ACACB: variants seen among roughly 807,000 people sequenced by gnomAD.
ACACB encodes acetyl-CoA carboxylase 2.
Under a neutral mutation model 278.8 loss-of-function variants are expected in ACACB, and 209 were observed. The ratio of observed to expected loss-of-function variants is 0.75; its 90% CI spans 0.67 to 0.84. ACACB has a LOEUF of 0.84. ACACB is among the 40% of genes least tolerant of loss of function. The pLI is 0.00. For missense variants in ACACB, 2,850 were observed against 3,269.0 expected, an observed-to-expected ratio of 0.87 and a Z score of 3.13; for synonymous variants, 1,174 against 1,285.6, an observed-to-expected ratio of 0.91 and a Z score of 1.86.
chr12:109,234,039 G>A lies in ACACB; in HGVS notation c.4341G>A (p.Gln1447=). ...TGCCGATTTTACGGACATTCGTACA[G>A]TCCAAGGTACTCTGGGCGTGCCTCT... is the stretch of plus-strand genomic sequence containing the variant. ...ALVPILRTFV[Q]SKKNILVDYG... The change falls in exon 31 of 53, where the codon CAG becomes CAA. Residue 1447 remains glutamine (Q), a synonymous_variant. Transcript: ENST00000338432. The A allele has an allele frequency of 6.2e-7, 1 of 1,609,308 alleles. No individual in the cohort carries two copies. Among genetic ancestry groups the A allele is most frequent in the South Asian group, 1.1e-5 (1 of 90,372 alleles).
chr12:109,167,143 A>G lies in ACACB; in HGVS notation c.786+150A>G, dbSNP rs1593449019. The G allele has an allele frequency of 6.4e-6, 6 of 943,350 alleles. No individual in the cohort carries two copies. In the East Asian group the frequency reaches 1.5e-4, roughly 24 times the overall value. The allele number at this position is 943,350 out of a possible 1,614,324, so 58.4% of individuals were successfully genotyped here. ...ACGCTCCTCTGAGTTTTAATAGTTT[A>G]ACCCTCAAATAGAAATAATAGTGAA... is the stretch of plus-strand genomic sequence containing the variant. On this transcript the variant is annotated intron_variant, in intron 3 of 52. Transcript: ENST00000338432.
chr12:109,152,786 A>C (rs2043414418), intron 2 of ACACB, among the ~76,000 whole-genome samples: 2 of 151,406 alleles, frequency 1.3e-5, no homozygotes, highest in Admixed American at 1.3e-4. Context: ...CTGGAATTAC[A>C]GGTATGCACC....
intron 1 of ACACB, among the ~76,000 whole-genome samples, chr12:109,126,380 C>T (rs953032163): frequency 6.6e-6 from 1 of 152,154 alleles, no homozygotes. Flanking sequence ...GGCAGATTCA[C>T]CACATCAAGA....
chr12:109,206,911 T>C lies in ACACB; in HGVS notation c.3060+55T>C, dbSNP rs1316324973. ...GACCAGTGCGGAGGGTCAGAAGATCTACCCCGTGACAGCAGAGGTCATTAT... is the reference window on the plus strand; with the variant it reads ...GACCAGTGCGGAGGGTCAGAAGATCCACCCCGTGACAGCAGAGGTCATTAT... On this transcript the variant is annotated intron_variant, in intron 20 of 52. Transcript: ENST00000338432. The C allele has an allele frequency of 2.5e-6, 4 of 1,596,200 alleles. No individual in the cohort carries two copies. In the African/African-American group the frequency reaches 5.4e-5, roughly 21 times the overall value.
chr12:109,127,206 C>T (rs781728691), intron 1 of ACACB, among the ~76,000 whole-genome samples: 2 of 152,126 alleles, frequency 1.3e-5, no homozygotes, highest in Non-Finnish European at 2.9e-5. Context: ...AGTCAGGTAG[C>T]CCAGGGTCGA....
intron 24 of ACACB, among the ~76,000 whole-genome samples, chr12:109,221,226 C>T (rs1045645462): frequency 2.6e-5 from 4 of 152,096 alleles, no homozygotes; most frequent in Non-Finnish European, 5.9e-5. Context: ...TAAAATCAGT[C>T]TCGGTTCATT....
In ACACB at chr12:109,227,352, T is replaced by C. The variant is rs377393025; in HGVS notation, c.3883-19T>C. The C allele has an allele frequency of 1.2e-6, 2 of 1,602,592 alleles. No individual in the cohort carries two copies. On this transcript the variant is annotated intron_variant, in intron 27 of 52. Transcript: ENST00000338432. ...GCAGTGGCCCCTGAGAGAATGTCCGTGTGTTTCTGCCTTGTCAGGTTTACG... is the reference window on the plus strand; with the variant it reads ...GCAGTGGCCCCTGAGAGAATGTCCGCGTGTTTCTGCCTTGTCAGGTTTACG...
At chr12:109,201,808 T>A in intron 19 of ACACB, 107 bp downstream of exon 19, 2 of 1,427,490 alleles carry the variant, frequency 1.4e-6, no homozygotes, top group South Asian at 1.4e-5. Flanking sequence ...TTCTCCTGCC[T>A]CCACCTGCAG....
chr12:109,249,904 C>T, intron 40 of ACACB, 80 bp from the exon 41 acceptor site: 2 of 1,504,714 alleles, frequency 1.3e-6, no homozygotes, highest in Middle Eastern at 1.8e-4. Context: ...GCTGCCCAGT[C>T]AGTCCCTTCT....
chr12:109,209,386 A>G (rs773567871), intron 21 of ACACB, 33 bp downstream of exon 21: 6 of 1,585,416 alleles, frequency 3.8e-6, no homozygotes, highest in Non-Finnish European at 5.2e-6. Context: ...CCACCCCACC[A>G]GGATGGTCAC....
chr12:109,169,114 C>T (rs1041088456), intron 4 of ACACB, among the ~76,000 whole-genome samples: 4 of 145,538 alleles, frequency 2.7e-5, no homozygotes, highest in Middle Eastern at 3.2e-3. Context: ...CACTGCACTG[C>T]GGCCTGGGCG....
At chr12:109,242,961 G>A (rs1024535129) in intron 37 of ACACB, among the ~76,000 whole-genome samples, 8 of 151,680 alleles carry the variant, frequency 5.3e-5, no homozygotes, top group East Asian at 1.9e-4. Flanking sequence ...GTGAGACCCC[G>A]TCTTCAAAAA....
chr12:109,203,053 C>T (rs1197243012), intron 19 of ACACB, among the ~76,000 whole-genome samples: 1 of 152,212 alleles, frequency 6.6e-6, no homozygotes, highest in Non-Finnish European at 1.5e-5. Context: ...CATTGTTCTG[C>T]TTTCTGTCTA....
chr12:109,123,360 G>GT (rs1056213108), intron 1 of ACACB, among the ~76,000 whole-genome samples: 159 of 151,086 alleles, frequency 1.1e-3, no homozygotes, highest in African/African-American at 3.5e-3. Context: ...GAGCTCCAGA[G>GT]TTTTTTTTGT....
In ACACB at chr12:109,191,827, T is replaced by C. The variant is rs765617339; in HGVS notation, c.2296-20T>C. 1.2e-6 allele frequency: 2 copies of C among 1,614,082 alleles called. No individual in the cohort carries two copies. Among genetic ancestry groups the C allele is most frequent in the African/African-American group, 1.3e-5 (1 of 74,936 alleles). Reference sequence around the variant, plus strand: ...CGAGACCTCGGCTTCCTGAGGATACTGAAGTGCATTTTCTCCTAGGCGGAG... The same window carrying C: ...CGAGACCTCGGCTTCCTGAGGATACCGAAGTGCATTTTCTCCTAGGCGGAG... On this transcript the variant is annotated intron_variant, in intron 14 of 52. Transcript: ENST00000338432.
intron 10 of ACACB, 57 bp downstream of exon 10, chr12:109,179,354 C>G: frequency 6.5e-7 from 1 of 1,547,270 alleles, no homozygotes. Flanking sequence ...AGCTCAGAGT[C>G]AGGAAGAACT....
In ACACB at chr12:109,204,753, T is replaced by G. The variant is rs188519615; in HGVS notation, c.2914-1957T>G. On this transcript the variant is annotated intron_variant, in intron 19 of 52. Transcript: ENST00000338432. ...CATATGAGTGAGAACATGCTAAATTTGTCTTTCTGCCCAGCTTATTTCACT... is the reference window on the plus strand; with the variant it reads ...CATATGAGTGAGAACATGCTAAATTGGTCTTTCTGCCCAGCTTATTTCACT... Among the ~76,000 whole-genome samples, 71 of 152,306 alleles carry G rather than the reference T, an allele frequency of 4.7e-4. 1 individual carries two copies. The highest frequency in any genetic ancestry group is 4.2e-3 in the Admixed American group (64 of 15,286).
chr12:109,259,257 G>A (rs2047315107), intron 47 of ACACB, 149 bp downstream of exon 47: 8 of 1,006,294 alleles, frequency 7.9e-6, no homozygotes, highest in Non-Finnish European at 1.0e-5. Context: ...ATATTGTTCA[G>A]GTGCCCCACT....
At chr12:109,149,511 G>T (rs1244503265) in intron 2 of ACACB, among the ~76,000 whole-genome samples, 1 of 152,158 alleles carries the variant, frequency 6.6e-6, no homozygotes, top group East Asian at 1.9e-4. Context: ...TTGAGCCCAG[G>T]AGTTTGAGGC....
Sources: gnomAD v4.1 joint callset for allele counts (sites outside exome capture counted in the v4.1 genomes callset) on GRCh38, gnomAD v4.1.1 for gene constraint, MANE v1.5 for transcripts, NCBI Gene and HGNC (gene_info 2026-07-23, HGNC 2026-07-21) for gene names.